Variants in ZNF568 observed in about 807,000 individuals in gnomAD.
The protein encoded by ZNF568 is p53 inhibitor of SCO2 activation.
In ZNF568, 11 loss-of-function variants were observed where a neutral mutation model predicts 18.1. That is an observed-to-expected ratio of 0.61 (90% CI 0.38 to 1.00). The LOEUF is 1.00. Among genes scored for constraint, ZNF568 ranks in the 50% least tolerant of loss-of-function variants. The pLI, the probability that ZNF568 is intolerant of heterozygous loss-of-function variation, is 0.01. For synonymous variants in ZNF568, 213 were observed against 246.6 expected, an observed-to-expected ratio of 0.86 and a Z score of 1.28; for missense variants, 639 against 768.2, an observed-to-expected ratio of 0.83 and a Z score of 1.99.
chr19:36,994,158 C>T (rs1236980397), intron 4 of ZNF568, among the ~76,000 whole-genome samples: 1 of 151,164 alleles, frequency 6.6e-6, no homozygotes, highest in Non-Finnish European at 1.5e-5. Context: ...TTCATGATTT[C>T]TTTAACACGT....
chr19:36,931,864 C>T (rs776033021), intron 4 of ZNF568, among the ~76,000 whole-genome samples: 12 of 152,234 alleles, frequency 7.9e-5, no homozygotes, highest in Non-Finnish European at 1.6e-4. Flanking sequence ...TGAAAAGAAA[C>T]CCTTTACCTG....
intron 7 of ZNF568, among the ~76,000 whole-genome samples, chr19:36,976,995 A>T (rs919888533): frequency 1.3e-5 from 2 of 152,326 alleles, no homozygotes; most frequent in African/African-American, 4.8e-5. Context: ...GCTATTTTTT[A>T]ATTTATTTTA....
At chr19:36,945,793 G>A (rs1268217791) in intron 6 of ZNF568, among the ~76,000 whole-genome samples, 1 of 151,448 alleles carries the variant, frequency 6.6e-6, no homozygotes, top group African/African-American at 2.4e-5. Context: ...TTAAATAGTG[G>A]AAGAATAATC....
intron 6 of ZNF568, among the ~76,000 whole-genome samples, chr19:36,943,514 T>C (rs1326139413): frequency 6.6e-6 from 1 of 152,154 alleles, no homozygotes; most frequent in African/African-American, 2.4e-5. Context: ...TAAATCATTA[T>C]AAATTTATGT....
chr19:36,927,177 AAT>A (rs1374309762), intron 4 of ZNF568, among the ~76,000 whole-genome samples: 2 of 152,192 alleles, frequency 1.3e-5, no homozygotes, highest in Non-Finnish European at 2.9e-5. Flanking sequence ...GTGTATGATA[AAT>A]ATGTATACAT....
intron 6 of ZNF568, chr19:36,973,647 G>C (rs1399940247): frequency 1.3e-5 from 2 of 153,044 alleles, no homozygotes; most frequent in African/African-American, 4.8e-5. Context: ...GTTCTCCCCG[G>C]ACCTGGATTG....
intron 6 of ZNF568, among the ~76,000 whole-genome samples, chr19:36,944,058 T>C (rs1281398991): frequency 6.6e-6 from 1 of 152,002 alleles, no homozygotes; most frequent in Non-Finnish European, 1.5e-5. Context: ...AGTTATTGGT[T>C]CTATAGCTTT....
At position 36,922,802 on chromosome 19, in the gene ZNF568, G is replaced by A. The variant is rs768919051; in HGVS notation, c.32G>A (p.Ser11Asn). The change falls in exon 3 of 7, where the codon AGC (serine) becomes AAC (asparagine). Residue 11 changes from serine (S) to asparagine (N), a missense_variant. Physicochemically the swap from Ser to Asn is conservative, Grantham distance 46 (BLOSUM62 1). Coordinates refer to ENST00000333987, the MANE Select transcript of ZNF568 (RefSeq NM_198539.4). The stretch of plus-strand genomic sequence containing the variant: ...TCTCAATCTTCAGTGATCAGCAATA[G>A]CTGTGTGACAATGGAGCGTTTGAGC... MTSQSSVISN[S>N]CVTMERLSHM... The A allele has an allele frequency of 6.2e-7, 1 of 1,613,982 alleles. No homozygotes were observed. The highest frequency in any genetic ancestry group is 8.5e-7 in the Non-Finnish European group (1 of 1,180,008).
At chr19:36,934,201 T>C (rs2073748202) in intron 4 of ZNF568, among the ~76,000 whole-genome samples, 1 of 151,854 alleles carries the variant, frequency 6.6e-6, no homozygotes, top group Non-Finnish European at 1.5e-5. Context: ...TTATTGATTC[T>C]CTCTAATGTT....
chr19:36,966,430 C>T (rs182479854), intron 6 of ZNF568, among the ~76,000 whole-genome samples: 4 of 152,294 alleles, frequency 2.6e-5, no homozygotes, highest in Non-Finnish European at 5.9e-5. Context: ...ATTTGGATAG[C>T]TGTACCTTGC....
exon 5 of ZNF568, chr19:36,997,115 G>A (rs2074482557): frequency 3.2e-6 from 5 of 1,568,470 alleles, no homozygotes; most frequent in African/African-American, 1.4e-5. Flanking sequence ...ATCCATACTG[G>A]TGAAAGACGC....
chr19:36,989,424 C>G (rs1205245380), intron 2 of ZNF568, among the ~76,000 whole-genome samples: 1 of 152,172 alleles, frequency 6.6e-6, no homozygotes, highest in African/African-American at 2.4e-5. Flanking sequence ...CTCAGGTGAT[C>G]CACCCACCTC....
At position 36,916,854 on chromosome 19, in the gene ZNF568, G is replaced by C. The variant is rs1029860616; in HGVS notation, c.-256+263G>C. On this transcript the variant is annotated intron_variant, in intron 1 of 6. Coordinates refer to ENST00000333987, the MANE Select transcript of ZNF568 (RefSeq NM_198539.4). The surrounding 1 kb of genome is among the most constrained non-coding windows in gnomAD (Gnocchi z 5.3). ...TTTTCTGTAGCATTTGGCACAGTTGGTAACGGCTTGAAAAACACTTATTTG... is the reference window on the plus strand; with the variant it reads ...TTTTCTGTAGCATTTGGCACAGTTGCTAACGGCTTGAAAAACACTTATTTG... Among the ~76,000 whole-genome samples the C allele has an allele frequency of 1.3e-5, 2 of 152,118 alleles. No homozygotes were observed. The highest frequency in any genetic ancestry group is 4.8e-5 in the African/African-American group (2 of 41,416).
chr19:36,927,903 A>ATTTTTTTTTTTTTTT (rs71177414), intron 4 of ZNF568, among the ~76,000 whole-genome samples: 1 of 26,622 alleles, frequency 3.8e-5, no homozygotes, highest in African/African-American at 2.5e-4. Flanking sequence ...ATATATATAT[A>ATTTTTTTTTTTTTTT]TTTTTTTTTT....
At chr19:36,971,461 G>A (rs748179822) in intron 6 of ZNF568, among the ~76,000 whole-genome samples, 1 of 151,946 alleles carries the variant, frequency 6.6e-6, no homozygotes, top group African/African-American at 2.4e-5. Context: ...AGAAAGAAAC[G>A]ATAATGGCCA....
intron 7 of ZNF568, among the ~76,000 whole-genome samples, chr19:36,977,037 C>G (rs2074291569): frequency 2.0e-5 from 3 of 152,286 alleles, no homozygotes; most frequent in South Asian, 4.1e-4. Context: ...CATATTTTCT[C>G]TTTGTCATTT....
intron 2 of ZNF568, among the ~76,000 whole-genome samples, chr19:36,920,107 G>A (rs2080821): frequency 0.017 from 2,590 of 152,124 alleles, 34 homozygotes; most frequent in African/African-American, 0.036. Context: ...CTTCCAGTGG[G>A]GCCAGATGTG....
chr19:36,967,531 C>T (rs1211511586), intron 6 of ZNF568, among the ~76,000 whole-genome samples: 1 of 152,138 alleles, frequency 6.6e-6, no homozygotes, highest in Non-Finnish European at 1.5e-5. Flanking sequence ...CCCCTGTACT[C>T]CAGCCTAGGC....
intron 2 of ZNF568, among the ~76,000 whole-genome samples, chr19:36,989,944 G>A (rs2074409810): frequency 1.3e-5 from 2 of 151,960 alleles, no homozygotes; most frequent in Admixed American, 6.6e-5. Context: ...TTGGAGCTGT[G>A]ATTTGATGAA....
Sources: gnomAD v4.1 joint callset for allele counts (sites outside exome capture counted in the v4.1 genomes callset) on GRCh38, gnomAD v4.1.1 for gene constraint, Gnocchi (gnomAD v3.1) non-coding constraint, MANE v1.5 for transcripts, NCBI Gene and HGNC (gene_info 2026-07-23, HGNC 2026-07-21) for gene names.